OCIAD2: variants seen among roughly 807,000 people sequenced by gnomAD.
OCIAD2 encodes OCIA domain-containing protein 2.
In OCIAD2, 29 loss-of-function variants were observed where a neutral mutation model predicts 22.9. The ratio of observed to expected loss-of-function variants is 1.27; its 90% CI spans 0.94 to 1.73. The LOEUF is 1.73. OCIAD2 is among the 40% of genes most tolerant of loss of function. The probability of loss-of-function intolerance (pLI) is 0.00; values close to 1 mark genes in which losing one functional copy is unlikely to be tolerated. For synonymous variants in OCIAD2, 67 were observed against 60.2 expected, an observed-to-expected ratio of 1.11 and a Z score of -0.52; for missense variants, 189 against 180.3, an observed-to-expected ratio of 1.05 and a Z score of -0.28.
At chr4:48,901,033 C>T (rs144464046) in intron 2 of OCIAD2, among the ~76,000 whole-genome samples, 24 of 152,330 alleles carry the variant, frequency 1.6e-4, no homozygotes, top group African/African-American at 5.3e-4. Context: ...CTCTGCCCAT[C>T]ACAACCATTC....
intron 6 of OCIAD2, among the ~76,000 whole-genome samples, chr4:48,889,143 T>C (rs925824434): frequency 6.6e-6 from 1 of 152,230 alleles, no homozygotes; most frequent in African/African-American, 2.4e-5. Context: ...TTTATAGTAT[T>C]CTCTGACGGT....
chr4:48,885,208 T>A lies in OCIAD2; in HGVS notation c.*276A>T. On this transcript the variant is annotated 3_prime_UTR_variant, in exon 7 of 7. Coordinates refer to ENST00000508632, the MANE Select transcript of OCIAD2 (RefSeq NM_001014446.3). ...TTCACCATGTTGGCCAAGCTGGTCATGAACTCCTGACCTCAAATGATCTGC... is the reference window on the plus strand; with the variant it reads ...TTCACCATGTTGGCCAAGCTGGTCAAGAACTCCTGACCTCAAATGATCTGC... 1 of 295,524 alleles carries A rather than the reference T, an allele frequency of 3.4e-6. No individual in the cohort carries two copies. The highest frequency in any genetic ancestry group is 6.2e-6 in the Non-Finnish European group (1 of 160,012). 18.3% of individuals were successfully genotyped at this position (295,524 alleles called of 1,614,324 possible). A position where few individuals can be genotyped will look rare whatever the true frequency, so the allele number is the denominator to read the frequency against.
At chr4:48,899,957 AG>A (rs766333722) in intron 2 of OCIAD2, 32 bp from the exon 3 acceptor site, 2 of 1,522,446 alleles carry the variant, frequency 1.3e-6, no homozygotes, top group Admixed American at 3.4e-5. Context: ...GAGCTAACTG[AG>A]GTCATTGAAA....
At chr4:48,903,971 T>A (rs999798002) in intron 2 of OCIAD2, among the ~76,000 whole-genome samples, 2 of 152,136 alleles carry the variant, frequency 1.3e-5, no homozygotes, top group Non-Finnish European at 2.9e-5. Context: ...AATAAAATTT[T>A]AAATTTTAAA....
chr4:48,899,908 T>C lies in OCIAD2; in HGVS notation c.84A>G (p.Pro28=). The change falls in exon 3 of 7, where the codon CCA becomes CCG. Residue 28 remains proline, a synonymous_variant. Coordinates refer to ENST00000508632, the MANE Select transcript of OCIAD2 (RefSeq NM_001014446.3). The stretch of plus-strand genomic sequence containing the variant: ...CTCTGTGGATGTGCAGTTTTGATTT[T>C]GGACAAAACAACAGGCTCTGTAAGG... ...PPSKQSLLFC[P]KSKLHIHRAE... 1.2e-6 allele frequency: 2 copies of C among 1,613,696 alleles called. No homozygotes were observed. Among genetic ancestry groups the C allele is most frequent in the Non-Finnish European group, 1.7e-6 (2 of 1,179,762 alleles).
At chr4:48,896,987 G>A (rs1223379754) in intron 4 of OCIAD2, among the ~76,000 whole-genome samples, 1 of 152,186 alleles carries the variant, frequency 6.6e-6, no homozygotes, top group Admixed American at 6.5e-5. Context: ...CAAGGCAGCT[G>A]CTGGTCCTTA....
intron 4 of OCIAD2, among the ~76,000 whole-genome samples, chr4:48,895,133 A>G (rs1781275175): frequency 6.6e-6 from 1 of 152,204 alleles, no homozygotes; most frequent in African/African-American, 2.4e-5. Flanking sequence ...AAGGAAAAGG[A>G]AGCCCAAGAG....
At chr4:48,896,273 G>A (rs542620711) in intron 4 of OCIAD2, among the ~76,000 whole-genome samples, 11 of 151,940 alleles carry the variant, frequency 7.2e-5, no homozygotes, top group Non-Finnish European at 1.5e-4. Flanking sequence ...CATATTTACT[G>A]GTACAAATGT....
At chr4:48,893,483 A>G (rs1781227710) in intron 5 of OCIAD2, 1 of 152,352 alleles carries the variant, frequency 6.6e-6, no homozygotes, top group African/African-American at 2.4e-5. Context: ...CTATTATTAG[A>G]AATCCCCTGA....
intron 6 of OCIAD2, among the ~76,000 whole-genome samples, chr4:48,890,324 A>G (rs995332145): frequency 3.9e-5 from 6 of 152,106 alleles, no homozygotes; most frequent in African/African-American, 9.7e-5. Context: ...CAAAGAGCCA[A>G]TAATGAGCTT....
At position 48,897,834 on chromosome 4, in the gene OCIAD2, T is replaced by A; in HGVS notation, c.187A>T (p.Met63Leu). 1 of 1,612,946 alleles carries A rather than the reference T, an allele frequency of 6.2e-7. No individual in the cohort carries two copies. Among genetic ancestry groups the A allele is most frequent in the South Asian group, 1.1e-5 (1 of 90,968 alleles). The change falls in exon 4 of 7, where the codon ATG becomes TTG. Residue 63 changes from methionine (M) to leucine (L), a missense_variant. Physicochemically the swap from Met to Leu is conservative, Grantham distance 15. Coordinates refer to ENST00000508632, the MANE Select transcript of OCIAD2 (RefSeq NM_001014446.3). ...KRALPFSLVSMLVTQGLVYQG... is the reference protein window; with the variant it reads ...KRALPFSLVSLLVTQGLVYQG... Reference sequence around the variant, plus strand: ...TAGACTAGTCCCTGGGTGACAAGCATGCTTACAAGAGAAAAAGGCAGAGCT... The same window carrying A: ...TAGACTAGTCCCTGGGTGACAAGCAAGCTTACAAGAGAAAAAGGCAGAGCT...
chr4:48,891,614 C>T (rs1325763843), intron 6 of OCIAD2, among the ~76,000 whole-genome samples: 1 of 152,158 alleles, frequency 6.6e-6, no homozygotes, highest in Non-Finnish European at 1.5e-5. Context: ...AAAGACACTC[C>T]TGAAATTGAA....
chr4:48,885,431 A>C lies in OCIAD2; in HGVS notation c.*53T>G. On this transcript the variant is annotated 3_prime_UTR_variant, in exon 7 of 7. Transcript: ENST00000508632. The stretch of plus-strand genomic sequence containing the variant: ...ATTTTAAAGTACACTTGAAATTTTA[A>C]ATGTGTACAAATTCAGAGGTTTAAA... 1 of 919,286 alleles carries C rather than the reference A, an allele frequency of 1.1e-6. No individual in the cohort carries two copies. The allele number at this position is 919,286 out of a possible 1,614,324, so 56.9% of individuals were successfully genotyped here. A position where few individuals can be genotyped will look rare whatever the true frequency, so the allele number is the denominator to read the frequency against.
intron 6 of OCIAD2, among the ~76,000 whole-genome samples, chr4:48,886,869 C>T (rs1024403507): frequency 3.9e-5 from 6 of 152,112 alleles, no homozygotes; most frequent in Non-Finnish European, 2.9e-5. Flanking sequence ...AATGGGATGG[C>T]TGGGTCAAAT....
rs765517861 is a variant in OCIAD2, at chr4:48,885,478, CAG to C, written c.*4_*5del. 1 of 1,560,498 alleles carries C rather than the reference CAG, an allele frequency of 6.4e-7. No individual in the cohort carries two copies. The highest frequency in any genetic ancestry group is 1.1e-5 in the South Asian group (1 of 89,442). ...TAAAAAACTTCGAAAGTCACAGACA[CAG>C]AATTTAGGAAGCTGAAGGCTGAGAG... On this transcript the variant is annotated 3_prime_UTR_variant, in exon 7 of 7. Transcript: ENST00000508632.
At chr4:48,890,689 A>T (rs1277849379) in intron 6 of OCIAD2, among the ~76,000 whole-genome samples, 1 of 152,210 alleles carries the variant, frequency 6.6e-6, no homozygotes, top group Non-Finnish European at 1.5e-5. Flanking sequence ...CTTGCATTAA[A>T]GTTTTATAAT....
chr4:48,899,988 T>C, intron 2 of OCIAD2, 63 bp from the exon 3 acceptor site: 1 of 1,225,480 alleles, frequency 8.2e-7, no homozygotes, highest in Non-Finnish European at 1.2e-6. Flanking sequence ...CTTTGTTTTC[T>C]ACAGAAGAGA....
At chr4:48,888,478 T>C (rs1314834848) in intron 6 of OCIAD2, among the ~76,000 whole-genome samples, 3 of 152,216 alleles carry the variant, frequency 2.0e-5, no homozygotes, top group Non-Finnish European at 4.4e-5. Flanking sequence ...GGGTTTGTCA[T>C]AAATAGCTCT....
At chr4:48,901,278 T>A (rs191767169) in intron 2 of OCIAD2, among the ~76,000 whole-genome samples, 295 of 152,118 alleles carry the variant, frequency 1.9e-3, no homozygotes, top group African/African-American at 6.6e-3. Context: ...CACCTCATGT[T>A]CCCCTATGGA....
Sources: gnomAD v4.1 joint callset for allele counts (sites outside exome capture counted in the v4.1 genomes callset) on GRCh38, gnomAD v4.1.1 for gene constraint, MANE v1.5 for transcripts, NCBI Gene and HGNC (gene_info 2026-07-23, HGNC 2026-07-21) for gene names.